RAB3B: variants seen among roughly 807,000 people sequenced by gnomAD.
RAB3B encodes the protein ras-related protein Rab-3B.
Under a neutral mutation model 20.5 loss-of-function variants are expected in RAB3B, and 11 were observed. The observed-to-expected ratio is 0.54, with a 90% CI of 0.34 to 0.89. RAB3B has a LOEUF of 0.89. RAB3B is among the 40% of genes least tolerant of loss of function. RAB3B has a pLI of 0.02. For synonymous variants in RAB3B, 99 were observed against 106.3 expected, an observed-to-expected ratio of 0.93 and a Z score of 0.42; for missense variants, 225 against 280.9, an observed-to-expected ratio of 0.80 and a Z score of 1.42.
At chr1:51,951,131 CTTTTTTT>C (rs35854435) in intron 2 of RAB3B, among the ~76,000 whole-genome samples, 3 of 144,962 alleles carry the variant, frequency 2.1e-5, no homozygotes, top group Non-Finnish European at 4.5e-5. Flanking sequence ...GTGATGCAGA[CTTTTTTT>C]TTTTTTTTTA....
intron 2 of RAB3B, among the ~76,000 whole-genome samples, chr1:51,959,827 G>C (rs1198925821): frequency 6.6e-6 from 1 of 152,248 alleles, no homozygotes. Flanking sequence ...CAGGTGTCGG[G>C]TAAATGGGAA....
chr1:51,914,897 G>T lies in RAB3B; in HGVS notation c.*5030C>A, dbSNP rs947456446. ...GGAGCTTAGTGGCCGGCAGGAGCAG[G>T]TGATATGAGTTGGGGAGTCAGGTCT... On this transcript the variant is annotated 3_prime_UTR_variant, in exon 5 of 5. Coordinates refer to ENST00000371655, the MANE Select transcript of RAB3B (RefSeq NM_002867.4). 6.6e-6 allele frequency: 1 copy of T among 152,200 alleles called. No individual in the cohort carries two copies. The allele number at this position is 152,200 out of a possible 1,614,324, so 9.4% of individuals were successfully genotyped here.
intron 2 of RAB3B, among the ~76,000 whole-genome samples, chr1:51,946,215 G>C (rs545421635): frequency 1.3e-5 from 2 of 152,126 alleles, no homozygotes; most frequent in Non-Finnish European, 2.9e-5. Context: ...CTCATAGTAA[G>C]TGCTGCTATT....
At chr1:51,969,866 A>G (rs59182549) in intron 2 of RAB3B, among the ~76,000 whole-genome samples, 3,531 of 152,180 alleles carry the variant, frequency 0.023, 76 homozygotes, top group African/African-American at 0.062. Context: ...ACTAGAGGCC[A>G]CTTACTGCTG....
chr1:51,953,716 A>G (rs1684670480), intron 2 of RAB3B, among the ~76,000 whole-genome samples: 1 of 152,174 alleles, frequency 6.6e-6, no homozygotes, highest in Non-Finnish European at 1.5e-5. Flanking sequence ...TAGGAGAATC[A>G]CTTGAAGCTG....
intron 4 of RAB3B, among the ~76,000 whole-genome samples, chr1:51,927,170 A>G (rs1337884903): frequency 6.6e-6 from 1 of 152,172 alleles, no homozygotes; most frequent in Non-Finnish European, 1.5e-5. Context: ...ACACACACAC[A>G]CAGATTTATT....
In RAB3B at chr1:51,920,125, G is replaced by A; in HGVS notation, c.473-11C>T. 6.2e-7 allele frequency: 1 copy of A among 1,600,686 alleles called. No homozygotes were observed. Among genetic ancestry groups the A allele is most frequent in the Non-Finnish European group, 8.5e-7 (1 of 1,171,534 alleles). ...CAAAGAAATCAAACCCTGGAAAGAG[G>A]AGAGATACAGATAAGGACTTTTCCC... On this transcript the variant is annotated splice_polypyrimidine_tract_variant and intron_variant, in intron 4 of 4. Coordinates refer to ENST00000371655, the MANE Select transcript of RAB3B (RefSeq NM_002867.4).
chr1:51,959,127 C>T (rs757095874), intron 2 of RAB3B, among the ~76,000 whole-genome samples: 5 of 152,152 alleles, frequency 3.3e-5, no homozygotes, highest in Admixed American at 6.5e-5. Flanking sequence ...GGGTCCTTAA[C>T]TGCCACTGAG....
intron 4 of RAB3B, among the ~76,000 whole-genome samples, chr1:51,922,112 G>T (rs2124232543): frequency 6.6e-6 from 1 of 152,268 alleles, no homozygotes; most frequent in South Asian, 2.1e-4. Flanking sequence ...ATTATACTCA[G>T]GCCATAGAAA....
At chr1:51,926,356 C>G (rs773672777) in intron 4 of RAB3B, among the ~76,000 whole-genome samples, 11 of 152,224 alleles carry the variant, frequency 7.2e-5, no homozygotes, top group Admixed American at 5.2e-4. Flanking sequence ...CACATTACCA[C>G]TAGCTTGCAG....
At chr1:51,925,817 G>C (rs1684236152) in intron 4 of RAB3B, among the ~76,000 whole-genome samples, 1 of 152,170 alleles carries the variant, frequency 6.6e-6, no homozygotes, top group South Asian at 2.1e-4. Context: ...AAACCAGAAG[G>C]AATTGCTTAT....
chr1:51,951,719 TG>T (rs1266248564), intron 2 of RAB3B, among the ~76,000 whole-genome samples: 1 of 152,098 alleles, frequency 6.6e-6, no homozygotes, highest in Non-Finnish European at 1.5e-5. Flanking sequence ...GAGCCTGAGA[TG>T]GAAGAATCAC....
At position 51,914,773 on chromosome 1, in the gene RAB3B, A is replaced by G. The variant is rs1190153152; in HGVS notation, c.*5154T>C. ...TCTGAAATCAATGAGATCCCAGGACACTGGTTATTGTAGTTCTTTCCCCTT... is the reference window on the plus strand; with the variant it reads ...TCTGAAATCAATGAGATCCCAGGACGCTGGTTATTGTAGTTCTTTCCCCTT... On this transcript the variant is annotated 3_prime_UTR_variant, in exon 5 of 5. Coordinates refer to ENST00000371655, the MANE Select transcript of RAB3B (RefSeq NM_002867.4). 5 of 152,140 alleles carry G rather than the reference A, an allele frequency of 3.3e-5. No individual in the cohort carries two copies. The highest frequency in any genetic ancestry group is 1.2e-4 in the African/African-American group (5 of 41,426). 9.4% of individuals were successfully genotyped at this position (152,140 alleles called of 1,614,324 possible).
At chr1:51,972,382 A>C (rs1684948925) in intron 2 of RAB3B, among the ~76,000 whole-genome samples, 1 of 150,490 alleles carries the variant, frequency 6.6e-6, no homozygotes, top group South Asian at 2.1e-4. Context: ...TCATTTTGTC[A>C]CTCTTAGCGT....
chr1:51,977,276 C>T (rs2124312422), intron 1 of RAB3B, among the ~76,000 whole-genome samples, 159 bp from the exon 2 acceptor site: 1 of 152,290 alleles, frequency 6.6e-6, no homozygotes, highest in Middle Eastern at 3.4e-3. Context: ...CTACACCTGC[C>T]CCAAATGTTG....
In RAB3B at chr1:51,972,532, G is replaced by C. The variant is rs930462090; in HGVS notation, c.228+4358C>G. Among the ~76,000 whole-genome samples the C allele has an allele frequency of 2.1e-5, 3 of 140,528 alleles. No homozygotes were observed. The South Asian group carries it at 6.6e-4, about 31-fold the overall frequency. The allele number at this position is 140,528 out of a possible 152,430, so 92.2% of individuals were successfully genotyped here. On this transcript the variant is annotated intron_variant, in intron 2 of 4. Coordinates refer to ENST00000371655, the MANE Select transcript of RAB3B (RefSeq NM_002867.4). Reference sequence around the variant, plus strand: ...GAGTTGGAGTGTTGCTCATCCCTCAGTGTGCTTGTATTTGGAGATGAGGCC... The same window carrying C: ...GAGTTGGAGTGTTGCTCATCCCTCACTGTGCTTGTATTTGGAGATGAGGCC...
At chr1:51,973,456 G>GT (rs35006698) in intron 2 of RAB3B, 114,521 of 151,982 alleles carry the variant, frequency 0.75, 46,128 homozygotes, top group Middle Eastern at 0.88. Context: ...ATCTGATCTC[G>GT]GAAGCTAAGA....
intron 2 of RAB3B, among the ~76,000 whole-genome samples, chr1:51,944,910 TAA>T (rs749010107): frequency 5.9e-5 from 9 of 152,222 alleles, no homozygotes; most frequent in Non-Finnish European, 1.3e-4. Flanking sequence ...CTCAAATTTT[TAA>T]AGAAGTTCTA....
chr1:51,967,423 G>A (rs1684868015), intron 2 of RAB3B, among the ~76,000 whole-genome samples: 1 of 151,178 alleles, frequency 6.6e-6, no homozygotes, highest in African/African-American at 2.4e-5. Flanking sequence ...ATCTTAATCA[G>A]CAGTGTGAAC....
Sources: gnomAD v4.1 joint callset for allele counts (sites outside exome capture counted in the v4.1 genomes callset) on GRCh38, gnomAD v4.1.1 for gene constraint, MANE v1.5 for transcripts, NCBI Gene and HGNC (gene_info 2026-07-23, HGNC 2026-07-21) for gene names.